CFAP47: variants seen among roughly 807,000 people sequenced by gnomAD.
CFAP47 encodes cilia- and flagella-associated protein 47.
A neutral mutation model predicts 148.1 loss-of-function variants in CFAP47; 29 were observed. The ratio of observed to expected loss-of-function variants is 0.20; its 90% confidence interval spans 0.15 to 0.27. CFAP47 has a LOEUF of 0.27. CFAP47 is among the 10% of genes least tolerant of loss of function. The pLI, the probability that CFAP47 is intolerant of heterozygous loss-of-function variation, is 1.00. For synonymous variants in CFAP47, 664 were observed against 577.3 expected, an observed-to-expected ratio of 1.15 and a Z score of -2.15; for missense variants, 1,872 against 1,697.5, an observed-to-expected ratio of 1.10 and a Z score of -1.81.
At chrX:36,324,830 T>C (rs782580325) in intron 57 of CFAP47, among the ~76,000 whole-genome samples, 61 of 111,759 alleles carry the variant, frequency 5.5e-4, no homozygotes, top group African/African-American at 1.8e-3. Flanking sequence ...CCATTTTTTT[T>C]CTAGATGAAA....
At chrX:35,929,180 C>CA (rs950984647) in intron 2 of CFAP47, among the ~76,000 whole-genome samples, 83 of 105,530 alleles carry the variant, frequency 7.9e-4, no homozygotes, top group African/African-American at 1.4e-3. Context: ...TCTGAGCCTG[C>CA]AAAAAAAAAA....
intron 46 of CFAP47, among the ~76,000 whole-genome samples, chrX:36,233,129 G>A (rs782185829): frequency 9.0e-6 from 1 of 111,654 alleles, no homozygotes; most frequent in Non-Finnish European, 1.9e-5. Flanking sequence ...TGTCTATTAG[G>A]TCTGCTTGGT....
rs759375823 is a variant in CFAP47, at chrX:35,971,590, C to T, written c.1975C>T (p.Arg659Cys). Residue 659 changes from arginine to cysteine, a missense_variant, in exon 12 of 64, where the codon CGC becomes TGC. Transcript: ENST00000378653. Reference protein sequence around the residue: ...RLQKKQAERERMYSYDDTDIG... With the variant: ...RLQKKQAERECMYSYDDTDIG... ...TTATTATTATTAATTTTATAGGGAG[C>T]GCATGTATTCATATGATGATACAGA... 1.8e-5 allele frequency: 20 copies of T among 1,101,046 alleles called. No individual in the cohort carries two copies. In the South Asian group the frequency reaches 2.2e-4, roughly 12 times the overall value. 90.7% of individuals were successfully genotyped at this position (1,101,046 alleles called of 1,213,427 possible).
intron 29 of CFAP47, among the ~76,000 whole-genome samples, chrX:36,078,441 C>G (rs1265084814): frequency 9.0e-6 from 1 of 111,123 alleles, no homozygotes; most frequent in Non-Finnish European, 1.9e-5. Flanking sequence ...TGAATTGATC[C>G]CTTTACCATT....
chrX:36,350,434 A>T (rs1941734185), intron 59 of CFAP47, among the ~76,000 whole-genome samples: 1 of 111,229 alleles, frequency 9.0e-6, no homozygotes, highest in Non-Finnish European at 1.9e-5. Flanking sequence ...ATTCTCAGGT[A>T]TACTTGCTCT....
At chrX:36,151,225 G>T (rs2146843078) in intron 37 of CFAP47, among the ~76,000 whole-genome samples, 1 of 111,857 alleles carries the variant, frequency 8.9e-6, no homozygotes, top group South Asian at 3.7e-4. Context: ...TAGAAAATTT[G>T]AGTTATAGAA....
chrX:36,012,947 A>C, intron 21 of CFAP47, among the ~76,000 whole-genome samples: 1 of 111,428 alleles, frequency 9.0e-6, no homozygotes, highest in East Asian at 2.8e-4. Context: ...AGGGCAAGTA[A>C]AAGTGCCACA....
intron 33 of CFAP47, among the ~76,000 whole-genome samples, chrX:36,126,416 G>C (rs1299797787): frequency 9.0e-6 from 1 of 111,396 alleles, no homozygotes; most frequent in East Asian, 2.8e-4. Flanking sequence ...TCCCTGCAAA[G>C]GACATGAACT....
intron 26 of CFAP47, among the ~76,000 whole-genome samples, chrX:36,063,251 A>G (rs771144416): frequency 9.0e-6 from 1 of 111,717 alleles, no homozygotes; most frequent in East Asian, 2.8e-4. Flanking sequence ...GGGAATTCAT[A>G]AATATTACCA....
intron 45 of CFAP47, among the ~76,000 whole-genome samples, chrX:36,207,965 C>A (rs2146886808): frequency 9.0e-6 from 1 of 111,593 alleles, no homozygotes; most frequent in Non-Finnish European, 1.9e-5. Flanking sequence ...TAATATGGAG[C>A]AAAAAACCCT....
At chrX:36,088,114 A>C (rs1168332058) in intron 30 of CFAP47, among the ~76,000 whole-genome samples, 1 of 111,573 alleles carries the variant, frequency 9.0e-6, no homozygotes, top group East Asian at 2.8e-4. Flanking sequence ...ATTTTACATT[A>C]GTTATCTTTT....
At chrX:36,212,610 CT>C (rs1353160624) in intron 45 of CFAP47, among the ~76,000 whole-genome samples, 5 of 110,457 alleles carry the variant, frequency 4.5e-5, no homozygotes, top group African/African-American at 1.3e-4. Flanking sequence ...AAGTTTTACA[CT>C]TTTTTTAGTT....
chrX:36,173,608 T>G (rs1302622727), intron 39 of CFAP47, among the ~76,000 whole-genome samples: 2 of 111,825 alleles, frequency 1.8e-5, no homozygotes, highest in African/African-American at 6.5e-5. Context: ...AGTTGAGCGG[T>G]TTTGAGTGAG....
chrX:35,919,816 G>T lies in CFAP47; in HGVS notation c.17G>T (p.Gly6Val). The stretch of plus-strand genomic sequence containing the variant: ...AGGGCAGCCATGAACACCCAAAAGG[G>T]TTCCCTCACCATAAACGTCCACAGA... MNTQK[G>V]SLTINVHRGS... Residue 6 changes from glycine (G) to valine (V), a missense_variant, in exon 1 of 64, where the codon GGT becomes GTT. Physicochemically the swap from Gly to Val is moderately radical, Grantham distance 109. Coordinates refer to ENST00000378653, the MANE Select transcript of CFAP47 (RefSeq NM_001304548.2). 1 of 1,206,816 alleles carries T rather than the reference G, an allele frequency of 8.3e-7. No individual in the cohort carries two copies. Among genetic ancestry groups the T allele is most frequent in the Non-Finnish European group, 1.1e-6 (1 of 893,072 alleles).
rs761346987 is a variant in CFAP47 at position 36,071,887 on chromosome X, C to A, written c.4381C>A (p.Pro1461Thr). ...TTTGCCTCCCTACCAGGATGCTAAACCACCCTCTCCTGCTTCAATTAAAAA... is the reference window on the plus strand; with the variant it reads ...TTTGCCTCCCTACCAGGATGCTAAAACACCCTCTCCTGCTTCAATTAAAAA... ...GVLPPYQDAKPPSPASIKKTY... is the reference protein window; with the variant it reads ...GVLPPYQDAKTPSPASIKKTY... Residue 1461 changes from proline (P) to threonine (T), a missense_variant, in exon 28 of 64, where the codon CCA (proline) becomes ACA (threonine). Physicochemically the swap from Pro to Thr is conservative, Grantham distance 38 (BLOSUM62 -1). Coordinates refer to ENST00000378653, the MANE Select transcript of CFAP47 (RefSeq NM_001304548.2). 29 of 1,202,098 alleles carry A rather than the reference C, an allele frequency of 2.4e-5. No homozygotes were observed. In the South Asian group the frequency reaches 4.8e-4, roughly 20 times the overall value.
chrX:36,147,872 G>T (rs1939257239), intron 36 of CFAP47, among the ~76,000 whole-genome samples: 1 of 111,932 alleles, frequency 8.9e-6, no homozygotes, highest in East Asian at 2.8e-4. Context: ...TTCATAATTT[G>T]CAGTGACCTT....
intron 25 of CFAP47, 134 bp from the exon 26 acceptor site, chrX:36,046,720 T>C (rs757661213): frequency 1.4e-5 from 6 of 431,572 alleles, no homozygotes; most frequent in African/African-American, 9.9e-5. Context: ...AAGATATCTT[T>C]AATAATTAGG....
chrX:35,988,671 T>G (rs1487287135), intron 15 of CFAP47, among the ~76,000 whole-genome samples: 1 of 111,913 alleles, frequency 8.9e-6, no homozygotes, highest in Non-Finnish European at 1.9e-5. Flanking sequence ...GAAGAACATC[T>G]AAGTTATTGT....
chrX:36,214,652 C>T (rs1290185008), intron 45 of CFAP47, among the ~76,000 whole-genome samples: 1 of 110,132 alleles, frequency 9.1e-6, no homozygotes, highest in Non-Finnish European at 1.9e-5. Context: ...ACTTCTTAAA[C>T]TTCTTTGTTA....
Sources: gnomAD v4.1 joint callset for allele counts (sites outside exome capture counted in the v4.1 genomes callset) on GRCh38, gnomAD v4.1.1 for gene constraint, MANE v1.5 for transcripts, NCBI Gene and HGNC (gene_info 2026-07-23, HGNC 2026-07-21) for gene names.